FRMPD2: variants seen among roughly 807,000 people sequenced by gnomAD.
The protein encoded by FRMPD2 is FERM and PDZ domain-containing protein 2.
In FRMPD2, 96 loss-of-function variants were observed where a neutral mutation model predicts 140.1. The observed-to-expected ratio is 0.69, with a 90% CI of 0.58 to 0.81. The LOEUF is 0.81. Among genes scored for constraint, FRMPD2 ranks in the 40% least tolerant of loss-of-function variants. The pLI is 0.00. For synonymous variants in FRMPD2, 449 were observed against 547.6 expected, an observed-to-expected ratio of 0.82 and a Z score of 2.52; for missense variants, 1,240 against 1,447.4, an observed-to-expected ratio of 0.86 and a Z score of 2.32.
chr10:48,186,479 C>T lies in FRMPD2; in HGVS notation c.2266+713G>A, dbSNP rs573581499. ...ATCACGGGGGCTGGTCTTTCCCATG[C>T]TATTCTCGTGATAGTGAATAAGTCT... On this transcript the variant is annotated intron_variant, in intron 17 of 28. Transcript: ENST00000374201. 2.0e-4 allele frequency among the ~76,000 whole-genome samples: 30 copies of T among 152,340 alleles called. 1 individual carries two copies. The South Asian group carries it at 6.0e-3, about 31-fold the overall frequency.
In FRMPD2 at chr10:48,274,533, C is replaced by A. The variant is rs1459320842; in HGVS notation, c.25+10G>T. 2.5e-6 allele frequency: 4 copies of A among 1,613,786 alleles called. No homozygotes were observed. The African/African-American group carries it at 5.3e-5, about 22-fold the overall frequency. On this transcript the variant is annotated intron_variant, in intron 1 of 28. Transcript: ENST00000374201. ...TTTATAGGAGAAAACTGAATGATGC[C>A]AAGGAATACCTGCGTCCTTCGTTAA...
intron 28 of FRMPD2, among the ~76,000 whole-genome samples, chr10:48,160,050 C>T (rs1289344858): frequency 1.3e-5 from 2 of 151,452 alleles, no homozygotes; most frequent in Non-Finnish European, 2.9e-5. Context: ...AACATCACTC[C>T]TTCCAAAGTG....
intron 27 of FRMPD2, among the ~76,000 whole-genome samples, chr10:48,167,728 G>A (rs1318444083): frequency 8.6e-5 from 13 of 152,022 alleles, no homozygotes; most frequent in Admixed American, 8.5e-4. Flanking sequence ...ACACAGATAG[G>A]CGGTCACATA....
Position 48,202,832 on chromosome 10 carries a change from G to A in FRMPD2, c.1798-1448C>T, listed in dbSNP as rs149265732. Among the ~76,000 whole-genome samples, 513 of 152,090 alleles carry A rather than the reference G, an allele frequency of 3.4e-3. 1 individual carries two copies. The highest frequency in any genetic ancestry group is 0.02 in the South Asian group (98 of 4,808). ...CACTCTTTTTTTGAGACAGGGTTTC[G>A]CTCTGTCACCCAGGCTGGAGTGCAG... On this transcript the variant is annotated intron_variant, in intron 14 of 28. Coordinates refer to ENST00000374201, the MANE Select transcript of FRMPD2 (RefSeq NM_001018071.4).
intron 10 of FRMPD2, among the ~76,000 whole-genome samples, chr10:48,225,301 C>T (rs1839697529): frequency 6.6e-6 from 1 of 152,208 alleles, no homozygotes. Flanking sequence ...GGGAGGGGCA[C>T]TCATGCATAT....
chr10:48,160,593 T>G (rs1391828984), intron 28 of FRMPD2, among the ~76,000 whole-genome samples: 2 of 116,322 alleles, frequency 1.7e-5, no homozygotes, highest in Non-Finnish European at 3.8e-5. Context: ...AGCCTCCAGC[T>G]TAGGGAAGGC....
At chr10:48,189,339 A>G (rs751129407) in intron 16 of FRMPD2, among the ~76,000 whole-genome samples, 1 of 152,242 alleles carries the variant, frequency 6.6e-6, no homozygotes, top group Non-Finnish European at 1.5e-5. Context: ...GAAAGGCTTC[A>G]GAAAAGCAGT....
intron 1 of FRMPD2, among the ~76,000 whole-genome samples, chr10:48,252,067 C>T (rs1840398309): frequency 6.6e-6 from 1 of 152,200 alleles, no homozygotes; most frequent in Admixed American, 6.5e-5. Context: ...GGCCTCCTCT[C>T]CTTCTCTCTC....
chr10:48,204,574 A>G (rs931814069), intron 14 of FRMPD2, among the ~76,000 whole-genome samples: 3 of 152,258 alleles, frequency 2.0e-5, no homozygotes, highest in Non-Finnish European at 4.4e-5. Flanking sequence ...ATTTGAAAGG[A>G]AAAAAGTATT....
At chr10:48,274,753 C>T, upstream of FRMPD2, 1 of 608,700 alleles carries the variant, frequency 1.6e-6, no homozygotes, top group Non-Finnish European at 3.0e-6. Flanking sequence ...CCTTCCCTTT[C>T]CTGCCACCAC....
At chr10:48,163,996 T>C (rs1838025307) in intron 27 of FRMPD2, among the ~76,000 whole-genome samples, 1 of 150,800 alleles carries the variant, frequency 6.6e-6, no homozygotes, top group South Asian at 2.1e-4. Context: ...ATAAGAAATG[T>C]TTTCTTTTTA....
chr10:48,251,790 A>G, intron 1 of FRMPD2, 99 bp from the exon 2 acceptor site: 1 of 1,374,166 alleles, frequency 7.3e-7, no homozygotes, highest in Non-Finnish European at 1.0e-6. Context: ...TGGTCTGGCC[A>G]CTACTGCACA....
chr10:48,210,976 G>A (rs1041505932), intron 13 of FRMPD2, among the ~76,000 whole-genome samples: 15 of 152,330 alleles, frequency 9.8e-5, no homozygotes, highest in African/African-American at 2.9e-4. Flanking sequence ...GAGTGTCCTC[G>A]CACTTATCCC....
In FRMPD2 at chr10:48,244,841, G is replaced by A. The variant is rs1042536141; in HGVS notation, c.318C>T (p.Val106=). ...DEQPDASQMH[V]YSLGMTLYWS... ...AGTAGAGGGTCATTCCTAAAGAATA[G>A]ACATGCATCTGCCCAAAAGAAGAGT... Residue 106 remains valine (V), a synonymous_variant, in exon 4 of 29, where the codon GTC becomes GTT. Transcript: ENST00000374201. The A allele has an allele frequency of 3.7e-6, 6 of 1,610,232 alleles. No individual in the cohort carries two copies. The Admixed American group carries it at 6.7e-5, about 18-fold the overall frequency.
At position 48,233,096 on chromosome 10, in the gene FRMPD2, C is replaced by T. The variant is rs187098818; in HGVS notation, c.994-807G>A. ...AGTATCCCCATGTCCCAAAGCCCAG[C>T]CTGGACCTCCCCCAGGAAGTTCTCT... On this transcript the variant is annotated intron_variant, in intron 9 of 28. Coordinates refer to ENST00000374201, the MANE Select transcript of FRMPD2 (RefSeq NM_001018071.4). 4.4e-4 allele frequency among the ~76,000 whole-genome samples: 67 copies of T among 152,306 alleles called. 1 individual carries two copies. The highest frequency in any genetic ancestry group is 1.7e-3 in the South Asian group (8 of 4,818).
At chr10:48,182,750 G>A (rs528212872) in intron 20 of FRMPD2, among the ~76,000 whole-genome samples, 3 of 152,364 alleles carry the variant, frequency 2.0e-5, no homozygotes, top group African/African-American at 7.2e-5. Flanking sequence ...CAGACCTCGA[G>A]TACTGCTTTT....
At chr10:48,230,371 GTCA>G (rs1839823178) in intron 10 of FRMPD2, among the ~76,000 whole-genome samples, 2 of 152,198 alleles carry the variant, frequency 1.3e-5, no homozygotes, top group South Asian at 2.1e-4. Context: ...TGACTTGGAT[GTCA>G]TATTTGAAAA....
chr10:48,215,432 T>C (rs1484647836), intron 12 of FRMPD2, among the ~76,000 whole-genome samples: 4 of 152,256 alleles, frequency 2.6e-5, no homozygotes, highest in Non-Finnish European at 2.9e-5. Context: ...GGTTGCGCTC[T>C]TTCTAGCTTA....
intron 3 of FRMPD2, among the ~76,000 whole-genome samples, chr10:48,247,118 T>C (rs1840268296): frequency 6.6e-6 from 1 of 152,226 alleles, no homozygotes; most frequent in South Asian, 2.1e-4. Context: ...CTCAACCTAT[T>C]AGTCTTGAAT....
Sources: gnomAD v4.1 joint callset for allele counts (sites outside exome capture counted in the v4.1 genomes callset) on GRCh38, gnomAD v4.1.1 for gene constraint, MANE v1.5 for transcripts, NCBI Gene and HGNC (gene_info 2026-07-23, HGNC 2026-07-21) for gene names.